HERC4: variants seen among roughly 807,000 people sequenced by gnomAD.
HERC4 encodes the protein probable E3 ubiquitin-protein ligase HERC4.
In HERC4, 28 loss-of-function variants were observed where a neutral mutation model predicts 124.3. The observed-to-expected ratio is 0.23, with a 90% CI of 0.17 to 0.31. The LOEUF is 0.31. Among genes scored for constraint, HERC4 ranks in the 10% least tolerant of loss-of-function variants. HERC4 has a pLI of 1.00. For synonymous variants in HERC4, 407 were observed against 421.5 expected, an observed-to-expected ratio of 0.97 and a Z score of 0.42; for missense variants, 713 against 1,229.3, an observed-to-expected ratio of 0.58 and a Z score of 6.28.
At chr10:68,037,479 T>G (rs1319936839) in intron 5 of HERC4, among the ~76,000 whole-genome samples, 1 of 152,182 alleles carries the variant, frequency 6.6e-6, no homozygotes, top group African/African-American at 2.4e-5. Context: ...AGGATACTAG[T>G]AAGTTAAACT....
At chr10:68,002,880 C>A (rs584613) in intron 9 of HERC4, among the ~76,000 whole-genome samples, 1 of 151,542 alleles carries the variant, frequency 6.6e-6, no homozygotes, top group Admixed American at 6.6e-5. Flanking sequence ...GATTACAAGC[C>A]TGAGCCACCG....
chr10:67,998,256 A>C (rs573182600), intron 9 of HERC4, among the ~76,000 whole-genome samples: 1 of 151,902 alleles, frequency 6.6e-6, no homozygotes, highest in South Asian at 2.1e-4. Context: ...ATACAATTAA[A>C]AATCATACAG....
intron 13 of HERC4, 55 bp from the exon 14 acceptor site, chr10:67,990,455 A>AG (rs2036489881): frequency 3.0e-6 from 3 of 1,013,028 alleles, no homozygotes; most frequent in African/African-American, 2.1e-5. Flanking sequence ...ACACTTTCAA[A>AG]GAAAAAAAAA....
At chr10:68,046,033 A>G (rs994943998) in intron 3 of HERC4, among the ~76,000 whole-genome samples, 1 of 152,134 alleles carries the variant, frequency 6.6e-6, no homozygotes, top group Non-Finnish European at 1.5e-5. Flanking sequence ...CATGAAGTTT[A>G]TTACACTAAT....
intron 9 of HERC4, chr10:68,008,132 C>T (rs1377294585): frequency 6.6e-6 from 1 of 152,224 alleles, no homozygotes; most frequent in Admixed American, 6.6e-5. Flanking sequence ...CTTACTCTCC[C>T]CCAAACAAAT....
At chr10:67,938,454 AAAAAGAAAAGAAAAGGG>A (rs2032576801) in intron 21 of HERC4, among the ~76,000 whole-genome samples, 1 of 151,950 alleles carries the variant, frequency 6.6e-6, no homozygotes, top group Non-Finnish European at 1.5e-5. Context: ...AAAGAAAAAA[AAAAAGAAAAGAAAAGGG>A]AAAAGAAAAC....
At chr10:67,960,734 C>T (rs1172128849) in intron 16 of HERC4, 1 of 178,272 alleles carries the variant, frequency 5.6e-6, no homozygotes, top group African/African-American at 2.4e-5. Flanking sequence ...CATCCATCAG[C>T]TCATATAACC....
intron 4 of HERC4, among the ~76,000 whole-genome samples, chr10:68,042,090 C>T (rs554224225): frequency 3.3e-5 from 5 of 152,260 alleles, no homozygotes; most frequent in African/African-American, 1.2e-4. Context: ...AATCTCGGCT[C>T]ACTGCAACCT....
intron 15 of HERC4, among the ~76,000 whole-genome samples, chr10:67,983,807 A>T (rs1331234985): frequency 7.1e-6 from 1 of 141,508 alleles, no homozygotes; most frequent in Non-Finnish European, 1.5e-5. Flanking sequence ...AAAAAAAAAT[A>T]CAAAAATTAA....
chr10:67,960,991 GC>G, intron 16 of HERC4: 1 of 358,992 alleles, frequency 2.8e-6, no homozygotes, highest in Non-Finnish European at 5.3e-6. Context: ...TGCGGATTTG[GC>G]GGACCTGTTG....
At chr10:67,968,361 A>C (rs892903424) in intron 15 of HERC4, among the ~76,000 whole-genome samples, 7 of 151,962 alleles carry the variant, frequency 4.6e-5, no homozygotes, top group Non-Finnish European at 8.8e-5. Flanking sequence ...CAGAAAGCAC[A>C]GCTGAGAGGC....
chr10:68,007,931 A>G (rs1394765113), intron 9 of HERC4: 1 of 152,392 alleles, frequency 6.6e-6, no homozygotes, highest in Non-Finnish European at 1.5e-5. Context: ...AGAGCACATT[A>G]CAGCCCAGAG....
At chr10:68,065,850 T>TA (rs1171475395) in intron 3 of HERC4, among the ~76,000 whole-genome samples, 5 of 151,956 alleles carry the variant, frequency 3.3e-5, no homozygotes, top group South Asian at 2.1e-4. Context: ...AGATCCTGTC[T>TA]AAAAAAACAA....
chr10:67,945,658 T>C (rs978411678), intron 19 of HERC4, among the ~76,000 whole-genome samples: 1 of 151,996 alleles, frequency 6.6e-6, no homozygotes, highest in Non-Finnish European at 1.5e-5. Context: ...CATAGTGTAG[T>C]AAAATAAACA....
intron 4 of HERC4, among the ~76,000 whole-genome samples, chr10:68,043,302 T>C (rs1368856584): frequency 1.3e-5 from 2 of 152,180 alleles, no homozygotes; most frequent in South Asian, 2.1e-4. Context: ...TCTCTTTTCA[T>C]CCTAAACACA....
At chr10:67,936,575 T>G (rs565479291) in intron 21 of HERC4, among the ~76,000 whole-genome samples, 1 of 152,216 alleles carries the variant, frequency 6.6e-6, no homozygotes, top group Non-Finnish European at 1.5e-5. Flanking sequence ...AGTATGAGAA[T>G]GCTATTCAGC....
chr10:68,013,965 G>C (rs2038117790), intron 9 of HERC4, 61 bp downstream of exon 9: 2 of 1,348,918 alleles, frequency 1.5e-6, no homozygotes, highest in East Asian at 4.8e-5. Context: ...CATGATTTAA[G>C]AGCAACATTT....
chr10:67,959,920 C>T (rs1032819532), intron 16 of HERC4, among the ~76,000 whole-genome samples: 12 of 152,282 alleles, frequency 7.9e-5, no homozygotes, highest in South Asian at 2.1e-4. Context: ...AATTTGTGGA[C>T]GGTGCCTTGT....
intron 23 of HERC4, among the ~76,000 whole-genome samples, chr10:67,928,708 G>A (rs1050713140): frequency 6.6e-6 from 1 of 152,072 alleles, no homozygotes; most frequent in African/African-American, 2.4e-5. Context: ...GGATCATGAG[G>A]TCAGGAGTTC....
Sources: gnomAD v4.1 joint callset for allele counts (sites outside exome capture counted in the v4.1 genomes callset) on GRCh38, gnomAD v4.1.1 for gene constraint, MANE v1.5 for transcripts, NCBI Gene and HGNC (gene_info 2026-07-23, HGNC 2026-07-21) for gene names.